Variants in SGCZ observed in about 807,000 individuals in gnomAD.
SGCZ encodes zeta-sarcoglycan.
In SGCZ, 40 loss-of-function variants were observed where a neutral mutation model predicts 41.3. That is an observed-to-expected ratio of 0.97 (90% CI 0.75 to 1.26). The LOEUF (loss-of-function observed/expected upper bound fraction) is 1.26, where lower values mean the gene tolerates loss of function less well. Among genes scored for constraint, SGCZ ranks in the 50% most tolerant of loss-of-function variants. SGCZ has a pLI of 0.00. For synonymous variants in SGCZ, 206 were observed against 137.5 expected (o/e 1.50, Z -3.49); for missense variants, 552 against 369.8 (o/e 1.49, Z -4.04).
intron 2 of SGCZ, among the ~76,000 whole-genome samples, chr8:14,535,498 C>T (rs1025979496): frequency 6.6e-6 from 1 of 151,758 alleles, no homozygotes; most frequent in Non-Finnish European, 1.5e-5. Flanking sequence ...TCCTATTTGC[C>T]CCACACAAGC....
At chr8:14,467,562 C>A (rs185522349) in intron 2 of SGCZ, among the ~76,000 whole-genome samples, 5 of 151,996 alleles carry the variant, frequency 3.3e-5, no homozygotes, top group Non-Finnish European at 1.5e-5. Flanking sequence ...TACTGTGCTA[C>A]GAGGAGCAAT....
chr8:14,521,071 C>T (rs1394686662), intron 2 of SGCZ, among the ~76,000 whole-genome samples: 13 of 152,072 alleles, frequency 8.5e-5, no homozygotes, highest in Non-Finnish European at 1.6e-4. Context: ...TACTCAGCTT[C>T]CCCCAATTGT....
At chr8:14,518,767 A>G (rs745748378) in intron 2 of SGCZ, among the ~76,000 whole-genome samples, 56 of 151,904 alleles carry the variant, frequency 3.7e-4, no homozygotes, top group Non-Finnish European at 3.8e-4. Flanking sequence ...AGATAGGCAG[A>G]CAGACAGACA....
intron 1 of SGCZ, among the ~76,000 whole-genome samples, chr8:14,883,776 GT>G (rs1233614779): frequency 0.12 from 10,414 of 85,984 alleles, 352 homozygotes; most frequent in African/African-American, 0.16. Context: ...GCATCCTGTT[GT>G]TTTTTTTTTT....
intron 1 of SGCZ, among the ~76,000 whole-genome samples, chr8:15,006,276 A>G (rs1374609692): frequency 6.6e-6 from 1 of 152,218 alleles, no homozygotes; most frequent in East Asian, 1.9e-4. Context: ...GATTTTCTAT[A>G]AAAGCTTCCA....
chr8:14,558,712 C>A (rs1804114920), intron 1 of SGCZ, among the ~76,000 whole-genome samples: 1 of 151,878 alleles, frequency 6.6e-6, no homozygotes, highest in Non-Finnish European at 1.5e-5. Flanking sequence ...CAATATCCCT[C>A]ATAAACATAG....
At chr8:15,168,488 T>A (rs1364934393) in intron 1 of SGCZ, among the ~76,000 whole-genome samples, 1 of 151,654 alleles carries the variant, frequency 6.6e-6, no homozygotes, top group East Asian at 1.9e-4. Context: ...CCTTGCTTCA[T>A]GGGCGTGAGC....
At chr8:15,015,454 C>A (rs1323176021) in intron 1 of SGCZ, among the ~76,000 whole-genome samples, 1 of 151,960 alleles carries the variant, frequency 6.6e-6, no homozygotes, top group Non-Finnish European at 1.5e-5. Flanking sequence ...AATCCCAGCA[C>A]TTTGGGAGGC....
intron 2 of SGCZ, among the ~76,000 whole-genome samples, chr8:14,366,245 C>G (rs1438332589): frequency 6.6e-6 from 1 of 152,108 alleles, no homozygotes; most frequent in Non-Finnish European, 1.5e-5. Flanking sequence ...CACATTTCTG[C>G]ATTGCTGGGA....
chr8:14,179,101 C>G (rs1200361979), intron 4 of SGCZ, among the ~76,000 whole-genome samples: 1 of 152,186 alleles, frequency 6.6e-6, no homozygotes, highest in Non-Finnish European at 1.5e-5. Flanking sequence ...ACAATATTAT[C>G]TGCCAGGGGG....
At chr8:14,280,432 A>C (rs12549205) in intron 3 of SGCZ, among the ~76,000 whole-genome samples, 27,865 of 151,752 alleles carry the variant, frequency 0.18, 2,736 homozygotes, top group East Asian at 0.28. Context: ...CTACCTTTTA[A>C]AAGGAAGAAA....
intron 2 of SGCZ, among the ~76,000 whole-genome samples, chr8:14,463,770 T>C (rs1003875149): frequency 6.6e-5 from 10 of 151,704 alleles, no homozygotes; most frequent in Admixed American, 5.3e-4. Context: ...AGACAGCTTT[T>C]ATTATGTTAA....
chr8:14,283,656 T>C (rs1172917798), intron 3 of SGCZ, among the ~76,000 whole-genome samples: 1 of 152,196 alleles, frequency 6.6e-6, no homozygotes, highest in Admixed American at 6.5e-5. Context: ...AAATTCAAGA[T>C]TTTGAACATT....
At chr8:15,138,003 A>AG (rs901534031) in intron 1 of SGCZ, among the ~76,000 whole-genome samples, 1 of 152,148 alleles carries the variant, frequency 6.6e-6, no homozygotes, top group African/African-American at 2.4e-5. Context: ...GCAGTCCCGG[A>AG]GGGGGACTGT....
In SGCZ at chr8:14,808,492, C is replaced by G. The variant is rs188089859; in HGVS notation, c.40-253566G>C. Among the ~76,000 whole-genome samples, 434 of 152,040 alleles carry G rather than the reference C, an allele frequency of 2.9e-3. 2 individuals are homozygous for G. Among genetic ancestry groups the G allele is most frequent in the African/African-American group, 9.9e-3 (410 of 41,504 alleles). Reference sequence around the variant, plus strand: ...AAAACACATGAAAAAATGATCATCACTGGCCATCAGAGAAATGCAAATCAA... The same window carrying G: ...AAAACACATGAAAAAATGATCATCAGTGGCCATCAGAGAAATGCAAATCAA... On this transcript the variant is annotated intron_variant, in intron 1 of 7. Transcript: ENST00000382080.
At chr8:14,156,978 C>G (rs1225923614) in intron 5 of SGCZ, among the ~76,000 whole-genome samples, 3 of 152,132 alleles carry the variant, frequency 2.0e-5, no homozygotes, top group Non-Finnish European at 4.4e-5. Context: ...TGATAAAAAA[C>G]TACAGTATAC....
At chr8:14,565,258 A>G (rs1804324160) in intron 1 of SGCZ, among the ~76,000 whole-genome samples, 1 of 152,052 alleles carries the variant, frequency 6.6e-6, no homozygotes, top group Admixed American at 6.5e-5. Context: ...CTAAAATTAG[A>G]CAGTTTTATG....
In SGCZ at chr8:14,908,248, C is replaced by A. The variant is rs933040767; in HGVS notation, c.39+329337G>T. On this transcript the variant is annotated intron_variant, in intron 1 of 7. Coordinates refer to ENST00000382080, the MANE Select transcript of SGCZ (RefSeq NM_139167.4). ...TTTATCTAAATTACCTCAATTGGTC[C>A]GCAAAATGTTCAGTAAACTTGGAGA... 6.6e-5 allele frequency among the ~76,000 whole-genome samples: 10 copies of A among 151,914 alleles called. No homozygotes were observed. In the South Asian group the frequency reaches 2.1e-3, roughly 32 times the overall value.
intron 1 of SGCZ, among the ~76,000 whole-genome samples, chr8:14,955,450 T>G (rs1800762333): frequency 6.6e-6 from 1 of 152,220 alleles, no homozygotes; most frequent in Non-Finnish European, 1.5e-5. Context: ...GTGAAGTTCC[T>G]CAGTGACAGG....
Sources: gnomAD v4.1 joint callset for allele counts (sites outside exome capture counted in the v4.1 genomes callset) on GRCh38, gnomAD v4.1.1 for gene constraint, MANE v1.5 for transcripts, NCBI Gene and HGNC (gene_info 2026-07-23, HGNC 2026-07-21) for gene names.